Variants in ERMP1 observed in about 807,000 individuals in gnomAD.
ERMP1 encodes Felix-ina.
Under a neutral mutation model 92.0 loss-of-function variants are expected in ERMP1, and 86 were observed. The ratio of observed to expected loss-of-function variants is 0.93; its 90% CI spans 0.79 to 1.12. The LOEUF (loss-of-function observed/expected upper bound fraction) is 1.12, where lower values mean the gene tolerates loss of function less well. ERMP1 is among the 50% of genes most tolerant of loss of function. The probability of loss-of-function intolerance (pLI) is 0.00; values close to 1 mark genes in which losing one functional copy is unlikely to be tolerated. For missense variants in ERMP1, 1,342 were observed against 1,116.3 expected (o/e 1.20, Z -2.88); for synonymous variants, 530 against 412.8 (o/e 1.28, Z -3.44).
chr9:5,844,422 G>C (rs1307941856), intron 6 of ERMP1, among the ~76,000 whole-genome samples: 1 of 152,144 alleles, frequency 6.6e-6, no homozygotes, highest in East Asian at 1.9e-4. Context: ...TTATAGGCAT[G>C]TACCACCATG....
intron 4 of ERMP1, among the ~76,000 whole-genome samples, chr9:5,814,046 A>G (rs1052153833): frequency 6.6e-6 from 1 of 152,162 alleles, no homozygotes; most frequent in Non-Finnish European, 1.5e-5. Context: ...AGGCGTGGCT[A>G]CATGACTTGC....
At chr9:5,811,509 T>A (rs990066755) in intron 6 of ERMP1, among the ~76,000 whole-genome samples, 186 bp from the exon 7 acceptor site, 1 of 152,158 alleles carries the variant, frequency 6.6e-6, no homozygotes, top group African/African-American at 2.4e-5. Flanking sequence ...CTCCCTCACT[T>A]TTTTTACTAA....
At chr9:5,801,099 T>G in intron 11 of ERMP1, 77 bp downstream of exon 11, 1 of 1,465,822 alleles carries the variant, frequency 6.8e-7, no homozygotes, top group Non-Finnish European at 9.2e-7. Context: ...TCAGCTGCGC[T>G]TGCTATTCAC....
chr9:5,808,056 C>G (rs1828936489), intron 8 of ERMP1, among the ~76,000 whole-genome samples: 1 of 152,136 alleles, frequency 6.6e-6, no homozygotes, highest in Non-Finnish European at 1.5e-5. Flanking sequence ...AACTCCTGGC[C>G]TCAAGCAGTC....
In ERMP1 at chr9:5,787,182, A is replaced by G. The variant is rs755109522; in HGVS notation, c.2677T>C (p.Ser893Pro). 6.2e-7 allele frequency: 1 copy of G among 1,614,122 alleles called. No homozygotes were observed. The highest frequency in any genetic ancestry group is 8.5e-7 in the Non-Finnish European group (1 of 1,179,976). Residue 893 changes from serine (S) to proline (P), a missense_variant, in exon 15 of 15, where the codon TCT (serine) becomes CCT (proline). Coordinates refer to ENST00000339450, the MANE Select transcript of ERMP1 (RefSeq NM_024896.3). ...AGATCGTAGGTGCACACCCAGGCAG[A>G]GGGAAATGTCCAATCTGGGAACTTT... ...KEKFPDWTFP[S>P]AWVCTYDLFV...
chr9:5,837,476 A>G (rs534812965), upstream of ERMP1, among the ~76,000 whole-genome samples: 3 of 152,364 alleles, frequency 2.0e-5, no homozygotes, highest in Non-Finnish European at 2.9e-5. Flanking sequence ...TCTTTAATCA[A>G]AAGACAAGTG....
At chr9:5,827,829 T>A (rs1451327856) in intron 2 of ERMP1, among the ~76,000 whole-genome samples, 1 of 138,808 alleles carries the variant, frequency 7.2e-6, no homozygotes, top group African/African-American at 2.8e-5. Flanking sequence ...AAAAAAAAAA[T>A]TCGCAAGGCA....
At chr9:5,829,077 C>G (rs1829837361) in intron 2 of ERMP1, among the ~76,000 whole-genome samples, 1 of 151,866 alleles carries the variant, frequency 6.6e-6, no homozygotes, top group Non-Finnish European at 1.5e-5. Flanking sequence ...AACCCTGTCG[C>G]TGCCAAAAAT....
intron 8 of ERMP1, among the ~76,000 whole-genome samples, chr9:5,809,120 C>T (rs1026667945): frequency 3.9e-5 from 6 of 152,166 alleles, no homozygotes; most frequent in Non-Finnish European, 7.4e-5. Flanking sequence ...CTCCCGGGTT[C>T]ACGCCATTCT....
intron 4 of ERMP1, among the ~76,000 whole-genome samples, chr9:5,818,016 A>G (rs1040015878): frequency 1.3e-5 from 2 of 152,212 alleles, no homozygotes; most frequent in Admixed American, 6.5e-5. Flanking sequence ...AGAATTGTTC[A>G]AGAATAGATC....
At chr9:5,846,808 G>T (rs1830239884) in intron 6 of ERMP1, among the ~76,000 whole-genome samples, 1 of 152,126 alleles carries the variant, frequency 6.6e-6, no homozygotes, top group South Asian at 2.1e-4. Context: ...TTGTGTTTAT[G>T]GACATTTCCC....
rs772340642 is a variant in ERMP1, at chr9:5,805,025, A to C, written c.1914+2T>G. On this transcript the variant is annotated splice_donor_variant, in intron 10 of 14. Coordinates refer to ENST00000339450, the MANE Select transcript of ERMP1 (RefSeq NM_024896.3). LOFTEE classifies it high-confidence loss of function. Reference sequence around the variant, plus strand: ...AAAAGAAAAAAACTTATTTTCTCTTACAAAATAGGACGAGAGAATCATTGT... The same window carrying C: ...AAAAGAAAAAAACTTATTTTCTCTTCCAAAATAGGACGAGAGAATCATTGT... 6.3e-7 allele frequency: 1 copy of C among 1,589,726 alleles called. No individual in the cohort carries two copies. The highest frequency in any genetic ancestry group is 8.5e-7 in the Non-Finnish European group (1 of 1,173,640).
At chr9:5,789,481 CCTT>C (rs377339629) in intron 13 of ERMP1, among the ~76,000 whole-genome samples, 3 of 152,226 alleles carry the variant, frequency 2.0e-5, no homozygotes, top group Non-Finnish European at 4.4e-5. Flanking sequence ...ACTCATGAGC[CCTT>C]CTTCAGAAAC....
At chr9:5,795,519 C>G (rs1421220680) in intron 13 of ERMP1, among the ~76,000 whole-genome samples, 1 of 152,232 alleles carries the variant, frequency 6.6e-6, no homozygotes, top group Non-Finnish European at 1.5e-5. Flanking sequence ...GTGGCTCACG[C>G]CTGTAATCCC....
chr9:5,840,608 G>A (rs1283288758), intron 6 of ERMP1, among the ~76,000 whole-genome samples: 3 of 152,258 alleles, frequency 2.0e-5, no homozygotes, highest in African/African-American at 4.8e-5. Flanking sequence ...GAGGCAGTAC[G>A]ATGCCGCAGT....
chr9:5,860,753 TA>T (rs112487613), intron 5 of ERMP1, among the ~76,000 whole-genome samples: 2 of 150,532 alleles, frequency 1.3e-5, no homozygotes, highest in African/African-American at 2.4e-5. Flanking sequence ...CTGGCCTCAT[TA>T]AAAAAAAACT....
intron 5 of ERMP1, among the ~76,000 whole-genome samples, chr9:5,861,717 G>GGTT (rs1193149777): frequency 2.1e-4 from 14 of 66,236 alleles, no homozygotes; most frequent in African/African-American, 7.6e-4. Flanking sequence ...GAGAGGAAGG[G>GGTT]TTTTTTTTTT....
chr9:5,833,538 T>G (rs1186468456), upstream of ERMP1, among the ~76,000 whole-genome samples: 1 of 152,208 alleles, frequency 6.6e-6, no homozygotes. Context: ...AATCAGATCT[T>G]CATAACTCAG....
rs780485865 is a variant in ERMP1 at position 5,810,079 on chromosome 9, G to C, written c.1480C>G (p.Leu494Val). The change falls in exon 8 of 15, where the codon CTG becomes GTG. Residue 494 changes from leucine (L) to valine (V), a missense_variant. By Grantham distance (32) the Leu-to-Val change is conservative. Coordinates refer to ENST00000339450, the MANE Select transcript of ERMP1 (RefSeq NM_024896.3). ...WYNHFYVSVC[L>V]YGTATVAKII... ...TTGGCTACAGTTGCAGTTCCATACA[G>C]ACAAACGGAGACATAGAAGTGGTTA... 1.9e-6 allele frequency: 3 copies of C among 1,613,790 alleles called. No individual in the cohort carries two copies. The African/African-American group carries it at 4.0e-5, about 22-fold the overall frequency.
Sources: allele counts gnomAD v4.1 joint callset (sites outside exome capture counted in the v4.1 genomes callset), GRCh38; gene constraint gnomAD v4.1.1; transcripts MANE v1.5; gene names NCBI Gene and HGNC (gene_info 2026-07-23, HGNC 2026-07-21).